Variants in ARHGAP15 observed in about 807,000 individuals in gnomAD.
The protein encoded by ARHGAP15 is Rho GTPase activating protein 15, also known as rho GTPase-activating protein 15.
ARHGAP15 carries 51 observed loss-of-function variants against 63.7 expected under a neutral mutation model. That is an observed-to-expected ratio of 0.80 (90% CI 0.64 to 1.01). The LOEUF is 1.01. Ranked by LOEUF, ARHGAP15 falls within the 50% of genes least tolerant of loss-of-function variation. The pLI, the probability that ARHGAP15 is intolerant of heterozygous loss-of-function variation, is 0.00. For missense variants in ARHGAP15, 560 were observed against 564.6 expected, an observed-to-expected ratio of 0.99 and a Z score of 0.08; for synonymous variants, 191 against 193.8, an observed-to-expected ratio of 0.99 and a Z score of 0.12.
intron 1 of ARHGAP15, among the ~76,000 whole-genome samples, chr2:143,135,111 TA>T (rs1460725822): frequency 6.6e-6 from 1 of 152,154 alleles, no homozygotes; most frequent in Non-Finnish European, 1.5e-5. Context: ...GAATTAACCT[TA>T]AACAGAAGAG....
chr2:143,275,700 A>G (rs993712571), intron 6 of ARHGAP15, among the ~76,000 whole-genome samples: 16 of 152,152 alleles, frequency 1.1e-4, no homozygotes, highest in African/African-American at 2.9e-4. Flanking sequence ...TTCCAGGGCT[A>G]TTAACCTATG....
Position 143,233,516 on chromosome 2 carries a change from G to A in ARHGAP15, c.384+4848G>A, listed in dbSNP as rs533982895. 1.2e-4 allele frequency among the ~76,000 whole-genome samples: 18 copies of A among 151,032 alleles called. No homozygotes were observed. The South Asian group carries it at 3.1e-3, about 26-fold the overall frequency. The stretch of plus-strand genomic sequence containing the variant: ...TCATAATATTTTTCTCATTACCTTT[G>A]TTTTTCTACAGTTTCATCATGATGC... On this transcript the variant is annotated intron_variant, in intron 5 of 13. Coordinates refer to ENST00000295095, the MANE Select transcript of ARHGAP15 (RefSeq NM_018460.4).
At chr2:143,290,665 G>A (rs896298027) in intron 6 of ARHGAP15, among the ~76,000 whole-genome samples, 2 of 151,986 alleles carry the variant, frequency 1.3e-5, no homozygotes, top group Non-Finnish European at 2.9e-5. Context: ...AGTTGCAACC[G>A]TTTTTTTGAC....
At chr2:143,131,752 T>C (rs1688924464) in intron 1 of ARHGAP15, among the ~76,000 whole-genome samples, 1 of 152,236 alleles carries the variant, frequency 6.6e-6, no homozygotes, top group Non-Finnish European at 1.5e-5. Context: ...GGAATTTTAA[T>C]ATGTTTCCTC....
At chr2:143,664,772 G>A (rs1682061420) in intron 12 of ARHGAP15, among the ~76,000 whole-genome samples, 1 of 152,322 alleles carries the variant, frequency 6.6e-6, no homozygotes, top group Non-Finnish European at 1.5e-5. Context: ...ACTACCATCA[G>A]AGAATACTAC....
At chr2:143,446,611 A>G (rs571579787) in intron 8 of ARHGAP15, among the ~76,000 whole-genome samples, 1 of 151,608 alleles carries the variant, frequency 6.6e-6, no homozygotes, top group African/African-American at 2.4e-5. Flanking sequence ...AAAGTTTGTC[A>G]AGTGTCTGTT....
chr2:143,350,716 G>A (rs534528768), intron 6 of ARHGAP15, among the ~76,000 whole-genome samples: 63 of 149,366 alleles, frequency 4.2e-4, no homozygotes, highest in African/African-American at 1.5e-3. Flanking sequence ...GTGGGCATCT[G>A]TAGTCCCAAC....
At position 143,487,380 on chromosome 2, in the gene ARHGAP15, A is replaced by G; in HGVS notation, c.711A>G (p.Arg237=). Residue 237 remains arginine (R), a synonymous_variant, in exon 9 of 14, where the codon AGA becomes AGG. Coordinates refer to ENST00000295095, the MANE Select transcript of ARHGAP15 (RefSeq NM_018460.4). ...KPEHRKSLMF[R]LHHSASDTSD... ...ATTTTTTTAAATCTTCAGTGTTCAG[A>G]CTGCATCACAGTGCTTCCGATACAA... 3 of 1,612,102 alleles carry G rather than the reference A, an allele frequency of 1.9e-6. No individual in the cohort carries two copies. Among genetic ancestry groups the G allele is most frequent in the Non-Finnish European group, 2.5e-6 (3 of 1,179,446 alleles).
At chr2:143,618,169 A>C (rs747781501) in intron 11 of ARHGAP15, among the ~76,000 whole-genome samples, 14 of 152,236 alleles carry the variant, frequency 9.2e-5, no homozygotes, top group Non-Finnish European at 1.8e-4. Flanking sequence ...GAGCCAGCAC[A>C]GCAAGAAAAG....
chr2:143,294,071 C>T (rs1682526744), intron 6 of ARHGAP15, among the ~76,000 whole-genome samples: 2 of 152,182 alleles, frequency 1.3e-5, no homozygotes, highest in Admixed American at 1.3e-4. Context: ...ATCATCTCCT[C>T]TAAGCCCTTC....
At chr2:143,733,334 C>T (rs13005371) in intron 13 of ARHGAP15, among the ~76,000 whole-genome samples, 41,468 of 152,072 alleles carry the variant, frequency 0.27, 7,080 homozygotes, top group Middle Eastern at 0.39. Context: ...TTCATTTTAA[C>T]GGCAGGCATG....
intron 3 of ARHGAP15, among the ~76,000 whole-genome samples, chr2:143,202,945 C>G (rs866881919): frequency 6.6e-6 from 1 of 152,014 alleles, no homozygotes; most frequent in Non-Finnish European, 1.5e-5. Flanking sequence ...ACACGTAAGA[C>G]CAACCTTTCT....
chr2:143,413,966 T>TGCGCGCGCGCGCGCACGC (rs1553476592), intron 6 of ARHGAP15, among the ~76,000 whole-genome samples: 26 of 117,924 alleles, frequency 2.2e-4, no homozygotes, highest in African/African-American at 8.9e-4. Context: ...TGTGTGTGTG[T>TGCGCGCGCGCGCGCACGC]GCGCGCTCTC....
chr2:143,743,002 G>A (rs970777376), intron 13 of ARHGAP15, among the ~76,000 whole-genome samples: 2 of 152,208 alleles, frequency 1.3e-5, no homozygotes, highest in Admixed American at 1.3e-4. Context: ...GAAGAAAGGG[G>A]ACAGGCTGGC....
intron 3 of ARHGAP15, among the ~76,000 whole-genome samples, chr2:143,208,755 A>T (rs1437844503): frequency 2.0e-5 from 3 of 152,158 alleles, no homozygotes; most frequent in Non-Finnish European, 4.4e-5. Flanking sequence ...TTTTCAGGGT[A>T]CTTTTTCTTT....
At chr2:143,609,751 C>T (rs371758338) in intron 11 of ARHGAP15, among the ~76,000 whole-genome samples, 1 of 152,140 alleles carries the variant, frequency 6.6e-6, no homozygotes, top group Non-Finnish European at 1.5e-5. Context: ...TGTATGCACT[C>T]GCCTTCCAAC....
At chr2:143,517,190 G>A (rs576740164) in intron 9 of ARHGAP15, among the ~76,000 whole-genome samples, 75 of 152,134 alleles carry the variant, frequency 4.9e-4, no homozygotes, top group Admixed American at 3.9e-3. Context: ...CTCATGATCC[G>A]CCCACCTCAG....
chr2:143,598,928 G>GT (rs756126227), intron 11 of ARHGAP15, among the ~76,000 whole-genome samples: 9,898 of 147,448 alleles, frequency 0.067, 450 homozygotes, highest in Non-Finnish European at 0.11. Context: ...AAATAAGTTG[G>GT]TTTTTTTTTT....
At chr2:143,424,195 T>G (rs1449405473) in intron 6 of ARHGAP15, among the ~76,000 whole-genome samples, 1 of 152,042 alleles carries the variant, frequency 6.6e-6, no homozygotes, top group Non-Finnish European at 1.5e-5. Context: ...AATGTGAGAA[T>G]CAGACTTACA....
Sources: allele counts gnomAD v4.1 joint callset (sites outside exome capture counted in the v4.1 genomes callset), GRCh38; gene constraint gnomAD v4.1.1; transcripts MANE v1.5; gene names NCBI Gene and HGNC (gene_info 2026-07-23, HGNC 2026-07-21).